Variants in PCDHGA4 observed in about 807,000 individuals in gnomAD.
PCDHGA4 encodes the protein protocadherin gamma subfamily A, 4.
In PCDHGA4, 38 loss-of-function variants were observed where a neutral mutation model predicts 54.6. The observed-to-expected ratio is 0.70, with a 90% confidence interval of 0.54 to 0.91. PCDHGA4 has a LOEUF of 0.91. Ranked by LOEUF, PCDHGA4 falls within the 40% of genes least tolerant of loss-of-function variation. PCDHGA4 has a pLI of 0.00. For synonymous variants in PCDHGA4, 511 were observed against 512.9 expected (o/e 1.00, Z 0.05); for missense variants, 1,298 against 1,220.9 (o/e 1.06, Z -0.94).
At chr5:141,405,083 C>T in intron 1 of PCDHGA4, 1 of 1,613,942 alleles carries the variant, frequency 6.2e-7, no homozygotes, top group Non-Finnish European at 8.5e-7. Flanking sequence ...CGTTATCACG[C>T]TGCTGGCCCT....
At chr5:141,357,932 G>A (rs1588531213) in intron 1 of PCDHGA4, among the ~76,000 whole-genome samples, 1 of 152,166 alleles carries the variant, frequency 6.6e-6, no homozygotes, top group East Asian at 1.9e-4. Context: ...GCTCACACCT[G>A]TAATCCTAAC....
At chr5:141,474,658 A>G (rs950490550) in intron 1 of PCDHGA4, among the ~76,000 whole-genome samples, 13 of 152,176 alleles carry the variant, frequency 8.5e-5, no homozygotes, top group African/African-American at 3.1e-4. Flanking sequence ...CTTCTTTTCT[A>G]CCTACCTAAC....
chr5:141,380,816 A>T (rs546532723), intron 1 of PCDHGA4, among the ~76,000 whole-genome samples: 1 of 152,256 alleles, frequency 6.6e-6, no homozygotes, highest in Non-Finnish European at 1.5e-5. Flanking sequence ...AGATGAAACT[A>T]TGAATTTTGA....
At chr5:141,509,953 G>A (rs987910496) in intron 3 of PCDHGA4, among the ~76,000 whole-genome samples, 4 of 152,282 alleles carry the variant, frequency 2.6e-5, no homozygotes, top group Non-Finnish European at 4.4e-5. Context: ...AAATGCTACC[G>A]GGTATGGCCT....
Position 141,393,633 on chromosome 5 carries a change from A to G in PCDHGA4, c.2514+36012A>G, listed in dbSNP as rs376168054. The stretch of plus-strand genomic sequence containing the variant: ...AGCCAGCGACCCGGATGAGGGAATC[A>G]ACGGAAAAGTGGCATACAAATTCCG... On this transcript the variant is annotated intron_variant, in intron 1 of 3. Transcript: ENST00000571252. 8 of 1,613,854 alleles carry G rather than the reference A, an allele frequency of 5.0e-6. No homozygotes were observed. The highest frequency in any genetic ancestry group is 1.3e-5 in the African/African-American group (1 of 74,956).
At chr5:141,402,087 A>G (rs1388054772) in intron 1 of PCDHGA4, among the ~76,000 whole-genome samples, 1 of 152,224 alleles carries the variant, frequency 6.6e-6, no homozygotes, top group Non-Finnish European at 1.5e-5. Context: ...GAAATAGCAG[A>G]AAAGTTTAAG....
chr5:141,465,968 A>G (rs2099113507), intron 1 of PCDHGA4, among the ~76,000 whole-genome samples: 3 of 151,940 alleles, frequency 2.0e-5, no homozygotes, highest in Admixed American at 6.6e-5. Flanking sequence ...TAAAAATACA[A>G]AAAATTAGCC....
At chr5:141,484,425 A>G (rs2099596309) in intron 1 of PCDHGA4, among the ~76,000 whole-genome samples, 3 of 152,192 alleles carry the variant, frequency 2.0e-5, no homozygotes, top group African/African-American at 7.2e-5. Flanking sequence ...TACAATGAGA[A>G]CATGTACTGC....
intron 1 of PCDHGA4, among the ~76,000 whole-genome samples, chr5:141,381,247 GA>G (rs1777085183): frequency 6.6e-6 from 1 of 152,240 alleles, no homozygotes; most frequent in Non-Finnish European, 1.5e-5. Flanking sequence ...CCAGGACCTA[GA>G]AGAATTTACA....
intron 1 of PCDHGA4, chr5:141,362,394 C>A (rs1762476605): frequency 6.2e-7 from 1 of 1,613,932 alleles, no homozygotes; most frequent in Non-Finnish European, 8.5e-7. Flanking sequence ...ATTCCTACAA[C>A]CTGTGTGTTG....
chr5:141,411,868 A>G (rs2095520425), intron 1 of PCDHGA4: 1 of 152,224 alleles, frequency 6.6e-6, no homozygotes, highest in South Asian at 2.1e-4. Flanking sequence ...TCAAAAAAAA[A>G]AGACATTTCT....
intron 1 of PCDHGA4, among the ~76,000 whole-genome samples, chr5:141,455,428 GA>G (rs2098822635): frequency 6.6e-6 from 1 of 152,176 alleles, no homozygotes; most frequent in Non-Finnish European, 1.5e-5. Context: ...GGCTCCAAAA[GA>G]GGAGGTCCCC....
rs769652961 is a variant in PCDHGA4, at chr5:141,489,435, A to G, written c.2515-5372A>G. ...CAGATCTGTTGAGCCGGCGGCTGCAATTGGGCTCTGAGGAGAATGGGCGCT... is the reference window on the plus strand; with the variant it reads ...CAGATCTGTTGAGCCGGCGGCTGCAGTTGGGCTCTGAGGAGAATGGGCGCT... On this transcript the variant is annotated intron_variant, in intron 1 of 3. Coordinates refer to ENST00000571252, the MANE Select transcript of PCDHGA4 (RefSeq NM_018917.4). This position sits in a 1 kb window ranked among gnomAD's most constrained non-coding sequence, Gnocchi z 4.5. 2 of 1,614,138 alleles carry G rather than the reference A, an allele frequency of 1.2e-6. No homozygotes were observed. The highest frequency in any genetic ancestry group is 1.7e-6 in the Non-Finnish European group (2 of 1,180,024).
chr5:141,385,150 C>A (rs1780929292), intron 1 of PCDHGA4: 1 of 1,614,104 alleles, frequency 6.2e-7, no homozygotes, highest in South Asian at 1.1e-5. Flanking sequence ...GGCTTTCCTG[C>A]AGACCTATTC....
chr5:141,419,523 G>T (rs553587727), intron 1 of PCDHGA4: 21 of 1,612,086 alleles, frequency 1.3e-5, no homozygotes, highest in East Asian at 2.2e-5. Flanking sequence ...GTGGGCGACC[G>T]TAACGACAAC....
At position 141,460,912 on chromosome 5, in the gene PCDHGA4, G is replaced by GTA. The variant is rs34683754; in HGVS notation, c.2515-33883_2515-33882dup. ...TCGTGGCTGAGTAATATTCCATGGT[G>GTA]TATATATATATATGTGTGTGTGTAT... On this transcript the variant is annotated intron_variant, in intron 1 of 3. Coordinates refer to ENST00000571252, the MANE Select transcript of PCDHGA4 (RefSeq NM_018917.4). Among the ~76,000 whole-genome samples, 731 of 149,318 alleles carry GTA rather than the reference G, an allele frequency of 4.9e-3. 9 individuals carry two copies. Among genetic ancestry groups the GTA allele is most frequent in the African/African-American group, 0.016 (631 of 40,624 alleles).
At chr5:141,360,400 A>G (rs748670827) in intron 1 of PCDHGA4, 6 of 1,613,978 alleles carry the variant, frequency 3.7e-6, no homozygotes, top group Non-Finnish European at 5.1e-6. Context: ...TGTGAGTGAC[A>G]GAATAGACCG....
chr5:141,419,756 G>C (rs1006926516), intron 1 of PCDHGA4: 10 of 1,613,890 alleles, frequency 6.2e-6, no homozygotes, highest in Admixed American at 1.7e-5. Flanking sequence ...GCGTGCTTTG[G>C]GTGACAAGGA....
In PCDHGA4 at chr5:141,490,242, T is replaced by G. The variant is rs2099697678; in HGVS notation, c.2515-4565T>G. 6.2e-7 allele frequency: 1 copy of G among 1,614,194 alleles called. No individual in the cohort carries two copies. The highest frequency in any genetic ancestry group is 8.5e-7 in the Non-Finnish European group (1 of 1,180,028). ...GACAGCCTGCCATGGAGGGCCACTG[T>G]GTGATTCAAGTGGATGTGGGGGATG... On this transcript the variant is annotated intron_variant, in intron 1 of 3. Transcript: ENST00000571252. The surrounding 1 kb of genome is among the most constrained non-coding windows in gnomAD (Gnocchi z 5.4).
Sources: allele counts gnomAD v4.1 joint callset (sites outside exome capture counted in the v4.1 genomes callset), GRCh38; gene constraint gnomAD v4.1.1; non-coding constraint Gnocchi (gnomAD v3.1); transcripts MANE v1.5; gene names NCBI Gene and HGNC (gene_info 2026-07-23, HGNC 2026-07-21).